LOXHD1: variants seen among roughly 807,000 people sequenced by gnomAD.
LOXHD1 encodes the protein lipoxygenase homology domain-containing protein 1.
A neutral mutation model predicts 248.2 loss-of-function variants in LOXHD1; 205 were observed. The observed-to-expected ratio is 0.83, with a 90% CI of 0.74 to 0.93. LOXHD1 has a LOEUF of 0.93. Ranked by LOEUF, LOXHD1 falls within the 40% of genes least tolerant of loss-of-function variation. The probability of loss-of-function intolerance (pLI) is 0.00; values close to 1 mark genes in which losing one functional copy is unlikely to be tolerated. For missense variants in LOXHD1, 2,930 were observed against 2,971.6 expected (o/e 0.99, Z 0.33); for synonymous variants, 1,113 against 1,162.8 (o/e 0.96, Z 0.87).
Position 46,566,386 on chromosome 18 carries a change from C to T in LOXHD1, c.2308G>A (p.Val770Ile), listed in dbSNP as rs754651566. The change falls in exon 17 of 41, where the codon GTT becomes ATT. Residue 770 changes from valine to isoleucine, a missense_variant. Physicochemically the swap from Val to Ile is conservative, Grantham distance 29. Coordinates refer to ENST00000642948, the MANE Select transcript of LOXHD1 (RefSeq NM_001384474.1). ...CCTTGACGGGGCACACGGATCTGAACGCTGCCCAGGAACCAGCTGGCATGC... is the reference window on the plus strand; with the variant it reads ...CCTTGACGGGGCACACGGATCTGAATGCTGCCCAGGAACCAGCTGGCATGC... ...GMHASWFLGSVQIRVPRQGKQ... is the reference protein window; with the variant it reads ...GMHASWFLGSIQIRVPRQGKQ... 124 of 1,551,600 alleles carry T rather than the reference C, an allele frequency of 8.0e-5. 1 individual carries two copies. The South Asian group carries it at 8.1e-4, about 10-fold the overall frequency.
At chr18:46,523,397 G>T (rs1264426993) in intron 31 of LOXHD1, among the ~76,000 whole-genome samples, 1 of 152,088 alleles carries the variant, frequency 6.6e-6, no homozygotes, top group Non-Finnish European at 1.5e-5. Flanking sequence ...CATTTATAAG[G>T]TTGCCAGAAT....
intron 5 of LOXHD1, among the ~76,000 whole-genome samples, chr18:46,611,565 T>C (rs1341228692): frequency 6.6e-6 from 1 of 152,228 alleles, no homozygotes; most frequent in Non-Finnish European, 1.5e-5. Flanking sequence ...TTTCCATTAT[T>C]GTGTATCTAC....
In LOXHD1 at chr18:46,524,842, A is replaced by G; in HGVS notation, c.4606T>C (p.Trp1536Arg). 6.4e-7 allele frequency: 1 copy of G among 1,551,678 alleles called. No individual in the cohort carries two copies. The highest frequency in any genetic ancestry group is 1.4e-5 in the African/African-American group (1 of 73,168). The change falls in exon 30 of 41, where the codon TGG (tryptophan) becomes CGG (arginine). Residue 1536 changes from tryptophan (W) to arginine (R), a missense_variant. Trp to Arg is a moderately radical substitution (Grantham distance 101). Coordinates refer to ENST00000642948, the MANE Select transcript of LOXHD1 (RefSeq NM_001384474.1). ...KIKLRHDNSK[W>R]CADWYVEKVE... ...TTCTCCACGTACCAGTCTGCGCACC[A>G]CTTGGAGTTGTCATGGCGGAGCTTG...
intron 23 of LOXHD1, among the ~76,000 whole-genome samples, chr18:46,543,639 C>T (rs1284951453): frequency 6.6e-6 from 1 of 152,114 alleles, no homozygotes; most frequent in Non-Finnish European, 1.5e-5. Context: ...CACTGTTCAA[C>T]TCACAGTGGG....
At chr18:46,647,395 C>T (rs1011635999) in intron 2 of LOXHD1, among the ~76,000 whole-genome samples, 2 of 152,166 alleles carry the variant, frequency 1.3e-5, no homozygotes, top group African/African-American at 4.8e-5. Flanking sequence ...TCTGAGGATG[C>T]TGAATGTGTG....
intron 25 of LOXHD1, among the ~76,000 whole-genome samples, chr18:46,540,654 CTTTTTTTT>C (rs60099172): frequency 4.4e-5 from 4 of 91,400 alleles, no homozygotes; most frequent in Admixed American, 1.5e-4. Context: ...AACTCTTTAT[CTTTTTTTT>C]TTTTTTTTTT....
At chr18:46,587,324 C>T (rs755332135) in intron 12 of LOXHD1, among the ~76,000 whole-genome samples, 5 of 152,208 alleles carry the variant, frequency 3.3e-5, no homozygotes, top group Non-Finnish European at 7.3e-5. Flanking sequence ...CTCTCAACAC[C>T]AGCCTGGCTT....
At chr18:46,559,288 G>T (rs1599001308) in intron 20 of LOXHD1, 160 bp downstream of exon 20, 23 of 1,539,916 alleles carry the variant, frequency 1.5e-5, no homozygotes, top group Non-Finnish European at 2.0e-5. Context: ...CCTCCACAAA[G>T]TATCAGTGTT....
At chr18:46,494,659 C>T (rs550274948) in intron 37 of LOXHD1, among the ~76,000 whole-genome samples, 2 of 152,284 alleles carry the variant, frequency 1.3e-5, no homozygotes, top group South Asian at 4.2e-4. Context: ...ATCCACCAAA[C>T]TGAACACGTT....
At chr18:46,582,632 C>A (rs1369193007) in intron 12 of LOXHD1, among the ~76,000 whole-genome samples, 1 of 152,178 alleles carries the variant, frequency 6.6e-6, no homozygotes, top group Admixed American at 6.5e-5. Flanking sequence ...TTTAATTAGA[C>A]TAAACATTTC....
chr18:46,643,248 GA>G (rs2144385041), intron 2 of LOXHD1, among the ~76,000 whole-genome samples: 1 of 152,294 alleles, frequency 6.6e-6, no homozygotes, highest in Admixed American at 6.5e-5. Context: ...TGCAAAGGAT[GA>G]GGAGGAGAGA....
At chr18:46,559,166 C>T in intron 20 of LOXHD1, 1 of 1,417,388 alleles carries the variant, frequency 7.1e-7, no homozygotes, top group Non-Finnish European at 9.3e-7. Flanking sequence ...CCCCGCATCC[C>T]TACCAAGTGC....
chr18:46,477,058 G>A (rs2032063193), downstream of LOXHD1: 13 of 681,492 alleles, frequency 1.9e-5, no homozygotes, highest in South Asian at 2.1e-4. Context: ...TATAGGATAT[G>A]GTTGGTAATA....
At chr18:46,579,868 A>C (rs2037930686) in intron 12 of LOXHD1, 84 bp from the exon 13 acceptor site, 2 of 1,449,604 alleles carry the variant, frequency 1.4e-6, no homozygotes, top group Non-Finnish European at 9.3e-7. Flanking sequence ...CTAAGCTCTG[A>C]TTCCTCCTCT....
Position 46,566,254 on chromosome 18 carries a change from T to C in LOXHD1, c.2437+3A>G. ...GGTGGTCCCACCACAGCCTCCTCCA[T>C]ACATTTCTGGATCTCCACCACCTCG... is the stretch of plus-strand genomic sequence containing the variant. On this transcript the variant is annotated splice_donor_region_variant and intron_variant, in intron 17 of 40. Coordinates refer to ENST00000642948, the MANE Select transcript of LOXHD1 (RefSeq NM_001384474.1). 1 of 1,547,180 alleles carries C rather than the reference T, an allele frequency of 6.5e-7. No homozygotes were observed. The highest frequency in any genetic ancestry group is 8.7e-7 in the Non-Finnish European group (1 of 1,143,410).
At chr18:46,564,385 T>C (rs1031852454) in intron 17 of LOXHD1, among the ~76,000 whole-genome samples, 4 of 151,498 alleles carry the variant, frequency 2.6e-5, no homozygotes, top group African/African-American at 9.7e-5. Flanking sequence ...AAATAAAAAT[T>C]GAGGGGTGTG....
chr18:46,526,900 G>A (rs9951898), intron 29 of LOXHD1, among the ~76,000 whole-genome samples: 74,835 of 151,950 alleles, frequency 0.49, 19,278 homozygotes, highest in East Asian at 0.58. Flanking sequence ...GGGTGGGGAG[G>A]GGTTTCCAAC....
chr18:46,548,292 A>T (rs535536702), intron 21 of LOXHD1, among the ~76,000 whole-genome samples: 370 of 147,602 alleles, frequency 2.5e-3, no homozygotes, highest in Admixed American at 5.7e-3. Flanking sequence ...CCACTCAGGG[A>T]CTGCTCAAAG....
intron 3 of LOXHD1, among the ~76,000 whole-genome samples, chr18:46,640,908 A>G (rs1199893772): frequency 6.6e-6 from 1 of 152,158 alleles, no homozygotes; most frequent in Non-Finnish European, 1.5e-5. Flanking sequence ...TTATCCTTGC[A>G]GTTGTTAACA....
Sources: allele counts gnomAD v4.1 joint callset (sites outside exome capture counted in the v4.1 genomes callset), GRCh38; gene constraint gnomAD v4.1.1; transcripts MANE v1.5; gene names NCBI Gene and HGNC (gene_info 2026-07-23, HGNC 2026-07-21).